The following LTN1 variants were observed in gnomAD, a reference collection of about 807,000 sequenced individuals.
LTN1 encodes listerin E3 ubiquitin protein ligase 1, also known as E3 ubiquitin-protein ligase listerin.
A neutral mutation model predicts 201.2 loss-of-function variants in LTN1; 88 were observed. The ratio of observed to expected loss-of-function variants is 0.44; its 90% CI spans 0.37 to 0.52. The LOEUF (loss-of-function observed/expected upper bound fraction) is 0.52, where lower values mean the gene tolerates loss of function less well. Ranked by LOEUF, LTN1 falls within the 20% of genes least tolerant of loss-of-function variation. The pLI is 0.00. For missense variants in LTN1, 1,752 were observed against 2,038.7 expected (o/e 0.86, Z 2.71); for synonymous variants, 645 against 713.5 (o/e 0.90, Z 1.53).
chr21:28,946,486 C>G (rs1337941148), intron 19 of LTN1, among the ~76,000 whole-genome samples, 199 bp from the exon 20 acceptor site: 1 of 152,090 alleles, frequency 6.6e-6, no homozygotes. Context: ...AACCCAGCAC[C>G]TAGCACACAA....
At chr21:28,964,500 C>G in intron 11 of LTN1, 1 of 1,346,642 alleles carries the variant, frequency 7.4e-7, no homozygotes, top group Non-Finnish European at 9.9e-7. Flanking sequence ...GTAGTGTACA[C>G]ATAACTTTTA....
At chr21:28,989,730 G>C (rs1431593250) in intron 1 of LTN1, among the ~76,000 whole-genome samples, 1 of 152,124 alleles carries the variant, frequency 6.6e-6, no homozygotes, top group African/African-American at 2.4e-5. Context: ...CTCTGAGGCA[G>C]GGCATGGTGG....
chr21:28,981,079 G>A, intron 6 of LTN1, 40 bp downstream of exon 6: 1 of 1,232,874 alleles, frequency 8.1e-7, no homozygotes, highest in Non-Finnish European at 1.1e-6. Flanking sequence ...TGGGGGTAAG[G>A]AATCAGAGAA....
Position 28,992,823 on chromosome 21 carries a change from T to C in LTN1, c.-18A>G. 6.2e-7 allele frequency: 1 copy of C among 1,614,202 alleles called. No individual in the cohort carries two copies. The highest frequency in any genetic ancestry group is 8.5e-7 in the Non-Finnish European group (1 of 1,180,014). On this transcript the variant is annotated 5_prime_UTR_variant, in exon 1 of 30. Coordinates refer to ENST00000361371, the MANE Select transcript of LTN1 (RefSeq NM_015565.3). ...CCGCCCATGGTCGCGGTTGCAGCTG[T>C]ACTCTGAGCACTCAGACCCCGGTTG... is the stretch of plus-strand genomic sequence containing the variant.
chr21:28,985,463 TAAA>T (rs747523082), intron 3 of LTN1, among the ~76,000 whole-genome samples: 3 of 121,958 alleles, frequency 2.5e-5, no homozygotes, highest in Non-Finnish European at 1.8e-5. Context: ...CCGTCTCAAT[TAAA>T]AAAAAAAAAA....
In LTN1 at chr21:28,943,700, G is replaced by A; in HGVS notation, c.4187C>T (p.Pro1396Leu). Reference protein sequence around the residue: ...LAPLLLFRARPVQIAVYHMLY... With the variant: ...LAPLLLFRARLVQIAVYHMLY... ...CATATGATAAACAGCAATTTGCACA[G>A]GCCTAGCTCTGAAGAGGAGTAATGG... The change falls in exon 23 of 30, where the codon CCT becomes CTT. Residue 1396 changes from proline to leucine, a missense_variant. Physicochemically the swap from Pro to Leu is moderately conservative, Grantham distance 98 (BLOSUM62 -3). This residue lies in a region of LTN1 where 1,211 missense variants were observed against 1,312.8 expected (regional missense o/e 0.92). Transcript: ENST00000361371. The A allele has an allele frequency of 1.2e-6, 2 of 1,613,024 alleles. No homozygotes were observed. Among genetic ancestry groups the A allele is most frequent in the Non-Finnish European group, 1.7e-6 (2 of 1,179,096 alleles).
Position 28,931,316 on chromosome 21 carries a change from T to C in LTN1, c.5077A>G (p.Ser1693Gly). Residue 1693 changes from serine (S) to glycine (G), a missense_variant, in exon 29 of 30, where the codon AGT (serine) becomes GGT (glycine). Transcript: ENST00000361371. Reference sequence around the variant, plus strand: ...CATAAAGCTAAGCCTTCCATAATACTTCCATTCTGTTAACAAGAAGAAAAA... The same window carrying C: ...CATAAAGCTAAGCCTTCCATAATACCTCCATTCTGTTAACAAGAAGAAAAA... ...LSTYLTHQNG[S>G]IMEGLALWKN... The C allele has an allele frequency of 6.3e-7, 1 of 1,589,048 alleles. No individual in the cohort carries two copies. Among genetic ancestry groups the C allele is most frequent in the Non-Finnish European group, 8.6e-7 (1 of 1,167,052 alleles).
chr21:28,979,692 G>A (rs532891384), intron 6 of LTN1, among the ~76,000 whole-genome samples: 7 of 152,208 alleles, frequency 4.6e-5, no homozygotes, highest in South Asian at 2.1e-4. Flanking sequence ...GTCTTAGGCC[G>A]GGCACGGTGG....
At chr21:28,966,209 A>G (rs533238846) in intron 10 of LTN1, among the ~76,000 whole-genome samples, 161 bp downstream of exon 10, 2 of 152,368 alleles carry the variant, frequency 1.3e-5, no homozygotes, top group East Asian at 3.9e-4. Flanking sequence ...ACTGCTGAAC[A>G]TCTACCCAGC....
Position 28,935,100 on chromosome 21 carries a change from A to G in LTN1, c.4875+9T>C, listed in dbSNP as rs1407556137. 2 of 1,570,260 alleles carry G rather than the reference A, an allele frequency of 1.3e-6. No homozygotes were observed. The highest frequency in any genetic ancestry group is 3.3e-5 in the Admixed American group (2 of 59,936). On this transcript the variant is annotated intron_variant, in intron 27 of 29. Transcript: ENST00000361371. ...CAACTTTTCTAGAGAAAGTCAAGAC[A>G]ATACTAACCGTCATGCCATTAAATA... is the stretch of plus-strand genomic sequence containing the variant.
At chr21:28,944,237 G>A in intron 22 of LTN1, 146 bp downstream of exon 22, 1 of 649,172 alleles carries the variant, frequency 1.5e-6, no homozygotes. Flanking sequence ...CATAGATGAT[G>A]CTTCTGAGAA....
Position 28,969,670 on chromosome 21 carries a change from A to G in LTN1, c.1176-69T>C, listed in dbSNP as rs568795596. On this transcript the variant is annotated intron_variant, in intron 8 of 29. Coordinates refer to ENST00000361371, the MANE Select transcript of LTN1 (RefSeq NM_015565.3). ...AACAAGAACTCAGAATTATCAAAAT[A>G]AAGACCTCAAAAAGGCATCATGACA... 2.7e-5 allele frequency: 34 copies of G among 1,238,706 alleles called. No individual in the cohort carries two copies. The African/African-American group carries it at 4.6e-4, about 17-fold the overall frequency. 76.7% of individuals were successfully genotyped at this position (1,238,706 alleles called of 1,614,324 possible). A position where few individuals can be genotyped will look rare whatever the true frequency, so the allele number is the denominator to read the frequency against.
chr21:28,934,981 G>A, intron 27 of LTN1, 128 bp downstream of exon 27: 1 of 678,818 alleles, frequency 1.5e-6, no homozygotes, highest in South Asian at 1.8e-5. Context: ...TAAGGCATGA[G>A]CCACGACTCC....
At position 28,928,314 on chromosome 21, in the gene LTN1, C is replaced by T. The variant is rs1351855588; in HGVS notation, c.*2134G>A. 1 of 152,418 alleles carries T rather than the reference C, an allele frequency of 6.6e-6. No homozygotes were observed. The highest frequency in any genetic ancestry group is 1.5e-5 in the Non-Finnish European group (1 of 67,968). 9.4% of individuals were successfully genotyped at this position (152,418 alleles called of 1,614,324 possible). ...ATATGGTATAACAATCAAATAATAA[C>T]ATTAATTACTTGCACCACAAAAATG... On this transcript the variant is annotated 3_prime_UTR_variant, in exon 30 of 30. Coordinates refer to ENST00000361371, the MANE Select transcript of LTN1 (RefSeq NM_015565.3).
intron 10 of LTN1, 143 bp from the exon 11 acceptor site, chr21:28,966,049 A>C (rs1394290414): frequency 9.7e-6 from 6 of 621,594 alleles, no homozygotes; most frequent in Non-Finnish European, 1.7e-5. Context: ...CTGGGACTAC[A>C]TGCATGCGCC....
chr21:28,970,789 C>T, intron 7 of LTN1, 47 bp from the exon 8 acceptor site: 2 of 1,410,862 alleles, frequency 1.4e-6, no homozygotes. Flanking sequence ...CATAAACATA[C>T]TTTTCTCAAT....
chr21:28,932,336 C>T (rs977939083), intron 28 of LTN1, 134 bp downstream of exon 28: 95 of 750,146 alleles, frequency 1.3e-4, no homozygotes, highest in Middle Eastern at 2.6e-4. Context: ...TTAGGCATAT[C>T]TCTGTATTTA....
Position 28,966,906 on chromosome 21 carries a change from A to G in LTN1, c.1585T>C (p.Leu529=), listed in dbSNP as rs368604094. The stretch of plus-strand genomic sequence containing the variant: ...CCATTTTTTTTTTTACTTGACTTCA[A>G]TGAGCTCTTCGGCTTCTGAAGCACC... ...LQVLQKPKSS[L]KSSKKKNGKV... Residue 529 remains leucine, a synonymous_variant, in exon 10 of 30, where the codon TTG becomes CTG. Transcript: ENST00000361371. The G allele has an allele frequency of 1.8e-5, 29 of 1,613,212 alleles. No homozygotes were observed. Among genetic ancestry groups the G allele is most frequent in the African/African-American group, 5.3e-5 (4 of 74,782 alleles).
chr21:28,981,264 T>A lies in LTN1; in HGVS notation c.665A>T (p.Tyr222Phe). 1 of 1,565,768 alleles carries A rather than the reference T, an allele frequency of 6.4e-7. No homozygotes were observed. The highest frequency in any genetic ancestry group is 1.4e-5 in the African/African-American group (1 of 72,648). ...VPEEEREAKF[Y>F]RVVTCSLLAL... The stretch of plus-strand genomic sequence containing the variant: ...CAATAAGGAACAAGTTACAACCCGG[T>A]AGAATTTAGCTTCTCTTTCTTCCTC... The change falls in exon 6 of 30, where the codon TAC (tyrosine) becomes TTC (phenylalanine). Residue 222 changes from tyrosine (Y) to phenylalanine (F), a missense_variant. Coordinates refer to ENST00000361371, the MANE Select transcript of LTN1 (RefSeq NM_015565.3).
Sources: gnomAD v4.1 joint callset for allele counts (sites outside exome capture counted in the v4.1 genomes callset) on GRCh38, gnomAD v4.1.1 for gene constraint, gnomAD v4.1.1 regional missense constraint, MANE v1.5 for transcripts, NCBI Gene and HGNC (gene_info 2026-07-23, HGNC 2026-07-21) for gene names.